Variants in LHPP observed in about 807,000 individuals in gnomAD.
The protein encoded by LHPP is phospholysine phosphohistidine inorganic pyrophosphate phosphatase.
Under a neutral mutation model 30.3 loss-of-function variants are expected in LHPP, and 24 were observed. That is an observed-to-expected ratio of 0.79 (90% CI 0.57 to 1.11). The LOEUF is 1.11. Ranked by LOEUF, LHPP falls within the 50% of genes most tolerant of loss-of-function variation. The pLI is 0.00. For missense variants in LHPP, 356 were observed against 367.2 expected (o/e 0.97, Z 0.25); for synonymous variants, 150 against 157.1 (o/e 0.95, Z 0.34).
chr10:124,567,849 G>C (rs745931907), intron 6 of LHPP, among the ~76,000 whole-genome samples: 1 of 152,230 alleles, frequency 6.6e-6, no homozygotes, highest in African/African-American at 2.4e-5. Flanking sequence ...GCACAGACAC[G>C]AGGGCTCACT....
At chr10:124,543,650 G>A (rs556612813) in intron 6 of LHPP, among the ~76,000 whole-genome samples, 5 of 152,334 alleles carry the variant, frequency 3.3e-5, no homozygotes, top group Non-Finnish European at 7.3e-5. Flanking sequence ...GGAGGGGTCC[G>A]TGGGGCCTGT....
rs759876327 is a variant in LHPP at position 124,613,319 on chromosome 10, G to A, written c.772G>A (p.Ala258Thr). The A allele has an allele frequency of 1.8e-5, 29 of 1,613,264 alleles. No individual in the cohort carries two copies. Among genetic ancestry groups the A allele is most frequent in the Admixed American group, 6.7e-5 (4 of 59,996 alleles). Residue 258 changes from alanine to threonine, a missense_variant, in exon 7 of 7, where the codon GCA becomes ACA. Transcript: ENST00000368842. ...VKADGYVDNLAEAVDLLLQHA... is the reference protein window; with the variant it reads ...VKADGYVDNLTEAVDLLLQHA... Reference sequence around the variant, plus strand: ...GGCTGATGGGTACGTGGACAACCTCGCAGAGGCAGTGGACCTGCTGCTGCA... The same window carrying A: ...GGCTGATGGGTACGTGGACAACCTCACAGAGGCAGTGGACCTGCTGCTGCA...
rs1953019200 is a variant in LHPP, at chr10:124,478,417, G to GC, written c.126-5717dup. The stretch of plus-strand genomic sequence containing the variant: ...GGGCTCATGCTGCCCTTTTCCTGAG[G>GC]CCCCCTGCTGCCTGCCCAGTCTCCC... On this transcript the variant is annotated intron_variant, in intron 1 of 6. Coordinates refer to ENST00000368842, the MANE Select transcript of LHPP (RefSeq NM_022126.4). This position sits in a 1 kb window ranked among gnomAD's most constrained non-coding sequence, Gnocchi z 4.7. Among the ~76,000 whole-genome samples, 1 of 152,132 alleles carries GC rather than the reference G, an allele frequency of 6.6e-6. No individual in the cohort carries two copies. The highest frequency in any genetic ancestry group is 1.5e-5 in the Non-Finnish European group (1 of 67,996).
At position 124,541,632 on chromosome 10, in the gene LHPP, G is replaced by A. The variant is rs932254394; in HGVS notation, c.716+24361G>A. Among the ~76,000 whole-genome samples the A allele has an allele frequency of 7.9e-5, 12 of 152,176 alleles. No homozygotes were observed. Among genetic ancestry groups the A allele is most frequent in the Non-Finnish European group, 1.2e-4 (8 of 68,024 alleles). On this transcript the variant is annotated intron_variant, in intron 6 of 6. Coordinates refer to ENST00000368842, the MANE Select transcript of LHPP (RefSeq NM_022126.4). The surrounding 1 kb of genome is among the most constrained non-coding windows in gnomAD (Gnocchi z 4.2). ...CACCCGTGGGGACAGTGTGTGTCTA[G>A]GCAAATGCCTTGGGCACTCGAGGGG...
chr10:124,519,887 C>T (rs962380948), intron 6 of LHPP, among the ~76,000 whole-genome samples: 1 of 151,738 alleles, frequency 6.6e-6, no homozygotes, highest in African/African-American at 2.4e-5. Flanking sequence ...GGCTGGAGTG[C>T]AGTGGCGCAG....
intron 3 of LHPP, chr10:124,493,911 A>G (rs1229313560): frequency 1.3e-5 from 2 of 152,232 alleles, no homozygotes; most frequent in Non-Finnish European, 2.9e-5. Context: ...GTTTCCAGGT[A>G]ACAGTTGGCC....
At position 124,478,026 on chromosome 10, in the gene LHPP, G is replaced by T. The variant is rs972399601; in HGVS notation, c.126-6113G>T. ...GAGGATGGGGCTGGTCCTGCGCCAG[G>T]GTGCCCCCAGGTGCTGATCTTGGCT... is the stretch of plus-strand genomic sequence containing the variant. On this transcript the variant is annotated intron_variant, in intron 1 of 6. Transcript: ENST00000368842. The surrounding 1 kb of genome is among the most constrained non-coding windows in gnomAD (Gnocchi z 4.7). 6.6e-6 allele frequency among the ~76,000 whole-genome samples: 1 copy of T among 152,182 alleles called. No individual in the cohort carries two copies. The highest frequency in any genetic ancestry group is 2.4e-5 in the African/African-American group (1 of 41,444).
chr10:124,536,951 C>T (rs1415143978), intron 6 of LHPP, among the ~76,000 whole-genome samples: 1 of 152,126 alleles, frequency 6.6e-6, no homozygotes, highest in Non-Finnish European at 1.5e-5. Flanking sequence ...TCCCCGACCT[C>T]TCCAGCAACA....
intron 5 of LHPP, among the ~76,000 whole-genome samples, chr10:124,516,817 C>T (rs1406031368): frequency 6.6e-6 from 1 of 152,116 alleles, no homozygotes; most frequent in Non-Finnish European, 1.5e-5. Context: ...GAATCAAGGG[C>T]AAATAACCAG....
At chr10:124,579,172 T>A (rs527375434) in intron 6 of LHPP, among the ~76,000 whole-genome samples, 11 of 152,304 alleles carry the variant, frequency 7.2e-5, no homozygotes, top group Admixed American at 2.6e-4. Context: ...GGACAGCCCC[T>A]CTTTAAGGAA....
intron 6 of LHPP, among the ~76,000 whole-genome samples, chr10:124,595,604 C>T (rs956815108): frequency 3.3e-5 from 5 of 152,308 alleles, no homozygotes; most frequent in South Asian, 2.1e-4. Flanking sequence ...TAAGTTTTTT[C>T]GCTCACATTC....
intron 6 of LHPP, among the ~76,000 whole-genome samples, chr10:124,544,111 G>A (rs1955271584): frequency 6.6e-6 from 1 of 152,232 alleles, no homozygotes; most frequent in Admixed American, 6.5e-5. Flanking sequence ...CCCTCGGATG[G>A]CTGATGCTGA....
At chr10:124,542,921 C>G (rs371199206) in intron 6 of LHPP, among the ~76,000 whole-genome samples, 1 of 152,180 alleles carries the variant, frequency 6.6e-6, no homozygotes, top group Non-Finnish European at 1.5e-5. Flanking sequence ...CGGTCGTTCT[C>G]CCCGGTCCCT....
chr10:124,556,844 C>CT (rs1378213294), intron 6 of LHPP, among the ~76,000 whole-genome samples: 2 of 152,128 alleles, frequency 1.3e-5, no homozygotes, highest in Admixed American at 6.5e-5. Context: ...CTTTCTCAGT[C>CT]TTTTTTGTAT....
intron 6 of LHPP, among the ~76,000 whole-genome samples, chr10:124,519,983 C>T (rs1954570269): frequency 6.6e-6 from 1 of 152,078 alleles, no homozygotes; most frequent in Non-Finnish European, 1.5e-5. Context: ...CAGGCGCCCA[C>T]CACCACGCCC....
chr10:124,580,711 T>C (rs1948732277), intron 6 of LHPP, among the ~76,000 whole-genome samples: 1 of 124,756 alleles, frequency 8.0e-6, no homozygotes, highest in South Asian at 2.6e-4. Context: ...AACATTTTCT[T>C]TTTTTTTTTC....
chr10:124,572,979 A>C (rs1184039198), intron 6 of LHPP, among the ~76,000 whole-genome samples: 5 of 152,216 alleles, frequency 3.3e-5, no homozygotes, highest in South Asian at 4.1e-4. Flanking sequence ...GGCATGTATC[A>C]GTGTGCATGG....
intron 6 of LHPP, among the ~76,000 whole-genome samples, chr10:124,528,496 A>G (rs531889117): frequency 2.0e-5 from 3 of 152,178 alleles, no homozygotes; most frequent in African/African-American, 7.2e-5. Context: ...GTAGCTGGGA[A>G]TACAGATGTC....
chr10:124,552,047 G>T (rs1360028434), intron 6 of LHPP, among the ~76,000 whole-genome samples: 3 of 152,046 alleles, frequency 2.0e-5, no homozygotes, highest in Admixed American at 2.0e-4. Context: ...GGCTTCGTGG[G>T]ACTTCCCAGT....
Sources: gnomAD v4.1 joint callset for allele counts (sites outside exome capture counted in the v4.1 genomes callset) on GRCh38, gnomAD v4.1.1 for gene constraint, Gnocchi (gnomAD v3.1) non-coding constraint, MANE v1.5 for transcripts, NCBI Gene and HGNC (gene_info 2026-07-23, HGNC 2026-07-21) for gene names.